The following HIBCH variants were observed in gnomAD, a reference collection of about 807,000 sequenced individuals.
HIBCH encodes 3-hydroxyisobutyryl-CoA hydrolase.
In HIBCH, 50 loss-of-function variants were observed where a neutral mutation model predicts 58.2. That is an observed-to-expected ratio of 0.86 (90% CI 0.68 to 1.09). HIBCH has a LOEUF of 1.09. Ranked by LOEUF, HIBCH falls within the 50% of genes least tolerant of loss-of-function variation. HIBCH has a pLI of 0.00. For missense variants in HIBCH, 450 were observed against 449.7 expected (o/e 1.00, Z -0.01); for synonymous variants, 151 against 146.9 (o/e 1.03, Z -0.20).
chr2:190,300,095 T>C (rs1404492735), intron 2 of HIBCH, among the ~76,000 whole-genome samples: 1 of 152,202 alleles, frequency 6.6e-6, no homozygotes, highest in African/African-American at 2.4e-5. Context: ...TGATTCCATG[T>C]CTTTGCTATT....
rs141570252 is a variant in HIBCH at position 190,227,562 on chromosome 2, T to C, written c.892-14487A>G. On this transcript the variant is annotated intron_variant, in intron 11 of 13. Transcript: ENST00000359678. The stretch of plus-strand genomic sequence containing the variant: ...AAACAATGGCAACAAAAGCCAAAAT[T>C]GACAAATGGGATCTAATTAAACAGC... 6.7e-3 allele frequency among the ~76,000 whole-genome samples: 1,017 copies of C among 152,198 alleles called. 12 individuals are homozygous for C. The highest frequency in any genetic ancestry group is 0.022 in the African/African-American group (923 of 41,536).
chr2:190,311,637 T>C lies in HIBCH; in HGVS notation c.36-841A>G, dbSNP rs117359588. ...ATTTGCACTAGGGAAATCTCAGAAA[T>C]ATGACCAAAGTCTGATTGATAAATA... is the stretch of plus-strand genomic sequence containing the variant. On this transcript the variant is annotated intron_variant, in intron 1 of 13. Coordinates refer to ENST00000359678, the MANE Select transcript of HIBCH (RefSeq NM_014362.4). Among the ~76,000 whole-genome samples the C allele has an allele frequency of 1.5e-3, 225 of 152,232 alleles. 2 individuals are homozygous for C. The East Asian group carries it at 0.033, about 23-fold the overall frequency.
intron 7 of HIBCH, among the ~76,000 whole-genome samples, chr2:190,255,013 G>A (rs1324774960): frequency 6.6e-6 from 1 of 152,080 alleles, no homozygotes; most frequent in Non-Finnish European, 1.5e-5. Flanking sequence ...TACAGTATTG[G>A]ACAGTGTAGC....
rs1352728738 is a variant in HIBCH at position 190,210,069 on chromosome 2, C to A, written c.1012-1156G>T. Among the ~76,000 whole-genome samples, 6 of 152,096 alleles carry A rather than the reference C, an allele frequency of 3.9e-5. No individual in the cohort carries two copies. On this transcript the variant is annotated intron_variant, in intron 12 of 13. Coordinates refer to ENST00000359678, the MANE Select transcript of HIBCH (RefSeq NM_014362.4). This position sits in a 1 kb window ranked among gnomAD's most constrained non-coding sequence, Gnocchi z 5.5. ...ACATGTTCTAGTACCTTCCATCTTA[C>A]AAAATAAAAAAGGAACTTCATTTGA...
chr2:190,282,003 T>C (rs1234145141), intron 6 of HIBCH, among the ~76,000 whole-genome samples: 1 of 152,222 alleles, frequency 6.6e-6, no homozygotes, highest in Non-Finnish European at 1.5e-5. Context: ...ATTCTGCCCA[T>C]GACCACTTAA....
In HIBCH at chr2:190,195,943, T is replaced by TTTC. The variant is rs1651945743; in HGVS notation, c.*18-5947_*18-5946insGAA. ...AAGGGTTTAAGAACTGTGTCCAGCT[T>TTTC]TTTTTTTTTTTTTTTTTTTGGCATA... On this transcript the variant is annotated intron_variant, in intron 1 of 1. Coordinates refer to the HIBCH transcript ENST00000399855. 1.6e-4 allele frequency among the ~76,000 whole-genome samples: 20 copies of TTTC among 123,300 alleles called. No homozygotes were observed. In the South Asian group the frequency reaches 4.7e-3, roughly 29 times the overall value. 80.9% of individuals were successfully genotyped at this position (123,300 alleles called of 152,430 possible). A position where few individuals can be genotyped will look rare whatever the true frequency, so the allele number is the denominator to read the frequency against.
At chr2:190,273,868 G>A (rs1364096805) in intron 6 of HIBCH, among the ~76,000 whole-genome samples, 3 of 151,896 alleles carry the variant, frequency 2.0e-5, no homozygotes, top group Non-Finnish European at 2.9e-5. Flanking sequence ...CAGATGCAGT[G>A]AGACAATCAT....
chr2:190,270,447 G>T (rs1345280026), intron 6 of HIBCH, among the ~76,000 whole-genome samples: 9 of 152,004 alleles, frequency 5.9e-5, no homozygotes, highest in African/African-American at 1.9e-4. Context: ...CCACAGTAAA[G>T]AAGACAAAAA....
rs1431663580 is a variant in HIBCH, at chr2:190,213,007, C to A, written c.960G>T (p.Lys320Asn). 1 of 1,610,036 alleles carries A rather than the reference C, an allele frequency of 6.2e-7. No individual in the cohort carries two copies. Among genetic ancestry groups the A allele is most frequent in the East Asian group, 2.2e-5 (1 of 44,814 alleles). Residue 320 changes from lysine (K) to asparagine (N), a missense_variant, in exon 12 of 14, where the codon AAG becomes AAT. Lys to Asn is a moderately conservative substitution (Grantham distance 94). Coordinates refer to ENST00000359678, the MANE Select transcript of HIBCH (RefSeq NM_014362.4). ...CCATAGTTAGTACTTCTTGCAAGGT[C>A]TTTGAAGACCCCTCCATGAGTTGCC... is the stretch of plus-strand genomic sequence containing the variant. Reference protein sequence around the residue: ...TLRQLMEGSSKTLQEVLTMEY... With the variant: ...TLRQLMEGSSNTLQEVLTMEY...
rs1048893339 is a variant in HIBCH, at chr2:190,215,130, C to T, written c.892-2055G>A. The T allele has an allele frequency of 5.3e-5, 8 of 151,262 alleles. No individual in the cohort carries two copies. Among genetic ancestry groups the T allele is most frequent in the African/African-American group, 1.2e-4 (5 of 40,888 alleles). 9.4% of individuals were successfully genotyped at this position (151,262 alleles called of 1,614,324 possible). On this transcript the variant is annotated intron_variant, in intron 11 of 13. Coordinates refer to ENST00000359678, the MANE Select transcript of HIBCH (RefSeq NM_014362.4). The surrounding 1 kb of genome is among the most constrained non-coding windows in gnomAD (Gnocchi z 4.4). ...AACCTCAGCTTAGCAGAGATCCCCT[C>T]GGTTTAGCAGCTAGATCAATTTTTA...
chr2:190,261,867 T>TC (rs1687095635), intron 6 of HIBCH, among the ~76,000 whole-genome samples: 2 of 152,102 alleles, frequency 1.3e-5, no homozygotes, highest in African/African-American at 4.8e-5. Flanking sequence ...GCTTTTTCTC[T>TC]AAGGGAATCT....
At chr2:190,240,933 G>C (rs1422419434) in intron 11 of HIBCH, among the ~76,000 whole-genome samples, 1 of 152,214 alleles carries the variant, frequency 6.6e-6, no homozygotes, top group Non-Finnish European at 1.5e-5. Flanking sequence ...ATGTGGTACT[G>C]AAAATAACGT....
chr2:190,263,730 A>C (rs1170739042), intron 6 of HIBCH, among the ~76,000 whole-genome samples: 1 of 152,198 alleles, frequency 6.6e-6, no homozygotes. Context: ...CTCTGTCTTC[A>C]TCTCAGTAAA....
intron 1 of HIBCH, among the ~76,000 whole-genome samples, chr2:190,192,452 C>CTCTGTGTGTGTGTGTGTGTGTG (rs1553490004): frequency 2.8e-5 from 4 of 145,258 alleles, no homozygotes; most frequent in African/African-American, 1.0e-4. Context: ...AATTCAGAAT[C>CTCTGTGTGTGTGTGTGTGTGTG]TGTGTGTGTG....
chr2:190,299,468 T>C (rs1688200217), intron 2 of HIBCH, among the ~76,000 whole-genome samples: 1 of 151,690 alleles, frequency 6.6e-6, no homozygotes, highest in African/African-American at 2.4e-5. Context: ...CAGTAAGATA[T>C]ATTTTGTAAT....
chr2:190,199,683 C>T, downstream of HIBCH: 4 of 1,409,652 alleles, frequency 2.8e-6, no homozygotes, highest in South Asian at 1.6e-5. Flanking sequence ...ATGAAACCTA[C>T]CTTCTCTTGA....
intron 1 of HIBCH, among the ~76,000 whole-genome samples, chr2:190,311,229 G>A (rs1486805446): frequency 1.3e-5 from 2 of 152,182 alleles, no homozygotes; most frequent in African/African-American, 2.4e-5. Context: ...TCTGAAAAGG[G>A]CAAAATTATG....
At chr2:190,256,658 G>C (rs1170457311) in intron 7 of HIBCH, among the ~76,000 whole-genome samples, 1 of 151,752 alleles carries the variant, frequency 6.6e-6, no homozygotes, top group Non-Finnish European at 1.5e-5. Flanking sequence ...CCATTAAAAG[G>C]GGATTTAAAA....
At chr2:190,259,356 T>TGTGTGTGTGTGTGC (rs1687021994) in intron 7 of HIBCH, among the ~76,000 whole-genome samples, 1 of 150,864 alleles carries the variant, frequency 6.6e-6, no homozygotes. Context: ...TGTGTGTGTG[T>TGTGTGTGTGTGTGC]GTGTGTGTGT....
Sources: allele counts gnomAD v4.1 joint callset (sites outside exome capture counted in the v4.1 genomes callset), GRCh38; gene constraint gnomAD v4.1.1; non-coding constraint Gnocchi (gnomAD v3.1); transcripts MANE v1.5; gene names NCBI Gene and HGNC (gene_info 2026-07-23, HGNC 2026-07-21).